PIK3CD: variants seen among roughly 807,000 people sequenced by gnomAD.
PIK3CD encodes the protein phosphatidylinositol-4,5-bisphosphate 3-kinase catalytic subunit delta, also known as phosphatidylinositol 4,5-bisphosphate 3-kinase catalytic subunit delta isoform.
PIK3CD carries 20 observed loss-of-function variants against 122.9 expected under a neutral mutation model. That is an observed-to-expected ratio of 0.16 (90% confidence interval 0.11 to 0.24). PIK3CD has a LOEUF of 0.24. Among genes scored for constraint, PIK3CD ranks in the 10% least tolerant of loss-of-function variants. The pLI, the probability that PIK3CD is intolerant of heterozygous loss-of-function variation, is 1.00. For missense variants in PIK3CD, 787 were observed against 1,406.3 expected, an observed-to-expected ratio of 0.56 and a Z score of 7.04; for synonymous variants, 596 against 593.4, an observed-to-expected ratio of 1.00 and a Z score of -0.06.
At position 9,652,789 on chromosome 1, in the gene PIK3CD, G is replaced by T; in HGVS notation, c.-138+987G>T. On this transcript the variant is annotated intron_variant, in intron 1 of 23. Transcript: ENST00000377346. This position sits in a 1 kb window ranked among gnomAD's most constrained non-coding sequence, Gnocchi z 6.2. The stretch of plus-strand genomic sequence containing the variant: ...CGGGGAAGGGCCGCTGGGAGGTCCC[G>T]AAAAGTGCGCTGTGGGTGGGGCGAG... 6.6e-6 allele frequency: 1 copy of T among 152,234 alleles called. No homozygotes were observed. Among genetic ancestry groups the T allele is most frequent in the Non-Finnish European group, 1.5e-5 (1 of 68,060 alleles). 9.4% of individuals were successfully genotyped at this position (152,234 alleles called of 1,614,324 possible).
At chr1:9,725,864 C>CA (rs1649473693) in intron 23 of PIK3CD, among the ~76,000 whole-genome samples, 1 of 151,306 alleles carries the variant, frequency 6.6e-6, no homozygotes, top group African/African-American at 2.4e-5. Context: ...GCAACAAAGG[C>CA]AAAACTCCGT....
upstream of PIK3CD, among the ~76,000 whole-genome samples, chr1:9,647,742 C>A (rs571622943): frequency 1.3e-5 from 2 of 152,168 alleles, no homozygotes; most frequent in South Asian, 2.1e-4. Flanking sequence ...CTAGCCCCAG[C>A]CTCCCAAAGT....
chr1:9,664,408 GC>G (rs1195672521), intron 1 of PIK3CD, among the ~76,000 whole-genome samples: 1 of 152,104 alleles, frequency 6.6e-6, no homozygotes, highest in Admixed American at 6.6e-5. Context: ...GGTCAGGTTT[GC>G]ATTGCCCTCC....
chr1:9,722,645 GC>G lies in PIK3CD; in HGVS notation c.2426+42del, dbSNP rs1648863970. Reference sequence around the variant, plus strand: ...CCCCACATCGTCCCTTGGTGTCTGTGCCCAGCCTGGGAGTCTGTGCCCCTGG... The same window carrying G: ...CCCCACATCGTCCCTTGGTGTCTGTGCCAGCCTGGGAGTCTGTGCCCCTGG... On this transcript the variant is annotated intron_variant, in intron 19 of 23. Transcript: ENST00000377346. The surrounding 1 kb of genome is among the most constrained non-coding windows in gnomAD (Gnocchi z 7.6). 1 of 1,550,238 alleles carries G rather than the reference GC, an allele frequency of 6.5e-7. No homozygotes were observed. Among genetic ancestry groups the G allele is most frequent in the Non-Finnish European group, 8.9e-7 (1 of 1,122,570 alleles).
the PIK3CD span, among the ~76,000 whole-genome samples, chr1:9,635,618 TG>T: frequency 6.6e-6 from 1 of 152,222 alleles, no homozygotes; most frequent in Admixed American, 6.5e-5. Context: ...AAGGGCATGC[TG>T]GGCAGTCACA....
At chr1:9,632,510 C>A in the PIK3CD span, among the ~76,000 whole-genome samples, 1 of 152,200 alleles carries the variant, frequency 6.6e-6, no homozygotes, top group Non-Finnish European at 1.5e-5. Flanking sequence ...TCTGCTGAAT[C>A]TCTTCCCTGG....
At chr1:9,683,795 G>A (rs945481781) in intron 1 of PIK3CD, among the ~76,000 whole-genome samples, 6 of 152,090 alleles carry the variant, frequency 3.9e-5, no homozygotes. Flanking sequence ...CTGCTCCCAT[G>A]ATATCTGGAG....
chr1:9,720,054 G>A lies in PIK3CD; in HGVS notation c.1339+37G>A. On this transcript the variant is annotated intron_variant, in intron 10 of 23. Coordinates refer to ENST00000377346, the MANE Select transcript of PIK3CD (RefSeq NM_005026.5). This position sits in a 1 kb window ranked among gnomAD's most constrained non-coding sequence, Gnocchi z 9.0. ...CCCAGGAGGGAGAGGCGTTGGGAGT[G>A]TGAGGGTCCCAGAGATGCTGGTCAC... 6.2e-7 allele frequency: 1 copy of A among 1,613,426 alleles called. No homozygotes were observed. Among genetic ancestry groups the A allele is most frequent in the Middle Eastern group, 1.6e-4 (1 of 6,062 alleles).
chr1:9,643,802 C>T, the PIK3CD span, among the ~76,000 whole-genome samples: 14,883 of 152,242 alleles, frequency 0.098, 911 homozygotes, highest in South Asian at 0.19. Context: ...GTGGCAGGGC[C>T]AGGCAGTTTG....
chr1:9,691,616 G>T (rs1313092601), intron 2 of PIK3CD, 45 bp downstream of exon 2: 3 of 398,346 alleles, frequency 7.5e-6, no homozygotes, highest in Non-Finnish European at 1.3e-5. Context: ...AGGGAAAGGA[G>T]ATGTTATTTT....
At chr1:9,658,626 T>G (rs1644928845) in intron 1 of PIK3CD, among the ~76,000 whole-genome samples, 2 of 146,244 alleles carry the variant, frequency 1.4e-5, no homozygotes, top group African/African-American at 5.1e-5. Context: ...GCCTCCAAGG[T>G]TCAGGAGATT....
chr1:9,668,408 G>T (rs912477197), intron 1 of PIK3CD, among the ~76,000 whole-genome samples: 1 of 150,548 alleles, frequency 6.6e-6, no homozygotes, highest in Admixed American at 6.6e-5. Flanking sequence ...CTTCCACATA[G>T]TTGATGCTCT....
chr1:9,645,448 T>TTTTA, the PIK3CD span, among the ~76,000 whole-genome samples: 16 of 151,850 alleles, frequency 1.1e-4, no homozygotes, highest in South Asian at 2.1e-4. Context: ...TTCTATTTTA[T>TTTTA]TTTATTTATT....
the PIK3CD span, among the ~76,000 whole-genome samples, chr1:9,637,518 T>C: frequency 6.6e-6 from 1 of 151,554 alleles, no homozygotes; most frequent in Non-Finnish European, 1.5e-5. Context: ...CCTATCTTAA[T>C]AGATAAGTAA....
intron 1 of PIK3CD, among the ~76,000 whole-genome samples, chr1:9,667,182 T>C (rs1645185890): frequency 6.6e-6 from 1 of 151,982 alleles, no homozygotes; most frequent in Admixed American, 6.6e-5. Flanking sequence ...TTTTTAAAAA[T>C]TAGCTGGGCA....
intron 6 of PIK3CD, 55 bp downstream of exon 6, chr1:9,716,674 T>C: frequency 2.6e-6 from 4 of 1,515,006 alleles, no homozygotes; most frequent in Non-Finnish European, 2.7e-6. Flanking sequence ...GGATAGGGCC[T>C]GGGTGGGAGT....
intron 3 of PIK3CD, among the ~76,000 whole-genome samples, chr1:9,711,789 C>T (rs1038749460): frequency 5.3e-5 from 8 of 152,112 alleles, no homozygotes; most frequent in African/African-American, 1.9e-4. Flanking sequence ...ACCATGTTGC[C>T]CAGGCTAGAA....
At chr1:9,646,797 A>C (rs1644613458), upstream of PIK3CD, among the ~76,000 whole-genome samples, 1 of 152,090 alleles carries the variant, frequency 6.6e-6, no homozygotes, top group Non-Finnish European at 1.5e-5. Flanking sequence ...TACTAAAAAT[A>C]CAAAAATTAG....
chr1:9,645,000 TTTTTC>T, the PIK3CD span, among the ~76,000 whole-genome samples: 1,741 of 129,752 alleles, frequency 0.013, 53 homozygotes, highest in African/African-American at 0.038. Flanking sequence ...TCCAGGCCTA[TTTTTC>T]TTTTCTTTTC....
Sources: gnomAD v4.1 joint callset for allele counts (sites outside exome capture counted in the v4.1 genomes callset) on GRCh38, gnomAD v4.1.1 for gene constraint, Gnocchi (gnomAD v3.1) non-coding constraint, MANE v1.5 for transcripts, NCBI Gene and HGNC (gene_info 2026-07-23, HGNC 2026-07-21) for gene names.